The following MAPK4 variants were observed in gnomAD, a reference collection of about 807,000 sequenced individuals.
MAPK4 encodes mitogen-activated protein kinase 4.
A neutral mutation model predicts 47.7 loss-of-function variants in MAPK4; 22 were observed. The observed-to-expected ratio is 0.46, with a 90% confidence interval of 0.33 to 0.66. The LOEUF is 0.66. Ranked by LOEUF, MAPK4 falls within the 30% of genes least tolerant of loss-of-function variation. The pLI, the probability that MAPK4 is intolerant of heterozygous loss-of-function variation, is 0.02. For synonymous variants in MAPK4, 390 were observed against 365.7 expected (o/e 1.07, Z -0.76); for missense variants, 736 against 831.7 (o/e 0.88, Z 1.42).
intron 1 of MAPK4, among the ~76,000 whole-genome samples, chr18:50,603,126 G>A (rs1413938747): frequency 6.6e-6 from 1 of 152,140 alleles, no homozygotes; most frequent in Non-Finnish European, 1.5e-5. Context: ...CAAGAACCTG[G>A]CAAGCAGATG....
chr18:50,703,449 C>A (rs1909892388), intron 2 of MAPK4, among the ~76,000 whole-genome samples: 1 of 152,192 alleles, frequency 6.6e-6, no homozygotes, highest in Admixed American at 6.5e-5. Context: ...AGGCACCAGG[C>A]ACACCAAGAG....
At chr18:50,563,041 T>G (rs559755738) in intron 1 of MAPK4, among the ~76,000 whole-genome samples, 43 of 152,346 alleles carry the variant, frequency 2.8e-4, no homozygotes, top group African/African-American at 9.9e-4. Flanking sequence ...CTAAATTATT[T>G]CTGAGACCTC....
At chr18:50,611,572 T>C (rs769228611) in intron 1 of MAPK4, among the ~76,000 whole-genome samples, 12 of 152,212 alleles carry the variant, frequency 7.9e-5, no homozygotes, top group Non-Finnish European at 1.8e-4. Context: ...CAGGCCAGAA[T>C]GTAACCTTGC....
rs35984682 is a variant in MAPK4 at position 50,711,824 on chromosome 18, G to GTTT, written c.547-3241_547-3239dup. On this transcript the variant is annotated intron_variant, in intron 2 of 5. Transcript: ENST00000400384. ...TCTCGACTTCTGGGTATTCTTTAAA[G>GTTT]TTTTTTTTTTTTTTTTGTAGAAAAT... Among the ~76,000 whole-genome samples the GTTT allele has an allele frequency of 2.4e-3, 336 of 141,018 alleles. 1 individual carries two copies. The highest frequency in any genetic ancestry group is 8.3e-3 in the African/African-American group (315 of 38,112). The allele number at this position is 141,018 out of a possible 152,430, so 92.5% of individuals were successfully genotyped here.
At chr18:50,622,832 G>A (rs1405220335) in intron 1 of MAPK4, among the ~76,000 whole-genome samples, 2 of 152,246 alleles carry the variant, frequency 1.3e-5, no homozygotes, top group African/African-American at 4.8e-5. Flanking sequence ...AGACTTTACT[G>A]TAAGAGCATC....
intron 1 of MAPK4, among the ~76,000 whole-genome samples, chr18:50,589,614 TTAACTC>T (rs1029833537): frequency 4.7e-5 from 6 of 126,510 alleles, no homozygotes; most frequent in African/African-American, 1.4e-4. Context: ...AAAAAAAAAA[TTAACTC>T]TAAATGCATG....
rs565979455 is a variant in MAPK4, at chr18:50,678,033, A to T, written c.546+13529A>T. Among the ~76,000 whole-genome samples the T allele has an allele frequency of 1.3e-5, 2 of 152,214 alleles. No individual in the cohort carries two copies. The highest frequency in any genetic ancestry group is 2.9e-5 in the Non-Finnish European group (2 of 68,030). On this transcript the variant is annotated intron_variant, in intron 2 of 5. Transcript: ENST00000400384. This position sits in a 1 kb window ranked among gnomAD's most constrained non-coding sequence, Gnocchi z 4.2. Reference sequence around the variant, plus strand: ...TACTAACTAGTGCCATGTGAGCCTAAGCAAGTTACTTAACCTCCCTCAGGC... The same window carrying T: ...TACTAACTAGTGCCATGTGAGCCTATGCAAGTTACTTAACCTCCCTCAGGC...
intron 1 of MAPK4, among the ~76,000 whole-genome samples, chr18:50,648,697 A>G (rs937319062): frequency 3.3e-5 from 5 of 152,140 alleles, no homozygotes; most frequent in Admixed American, 3.3e-4. Context: ...CTAGGTATTT[A>G]GAGATGTCCA....
At chr18:50,643,167 G>T (rs972619148) in intron 1 of MAPK4, among the ~76,000 whole-genome samples, 15 of 152,156 alleles carry the variant, frequency 9.9e-5, no homozygotes, top group African/African-American at 3.1e-4. Flanking sequence ...CCTACAGATT[G>T]ATTCTCGAAG....
Position 50,589,595 on chromosome 18 carries a change from CA to C in MAPK4, c.-871+29370del, listed in dbSNP as rs35570696. On this transcript the variant is annotated intron_variant, in intron 1 of 5. Transcript: ENST00000400384. Reference sequence around the variant, plus strand: ...TGGGCGACAGAGCGAGACTCCGTCTCAAAAAAAAAAAAAAAAAATTAACTCT... The same window carrying C: ...TGGGCGACAGAGCGAGACTCCGTCTCAAAAAAAAAAAAAAAAATTAACTCT... Among the ~76,000 whole-genome samples, 716 of 116,440 alleles carry C rather than the reference CA, an allele frequency of 6.1e-3. 5 individuals carry two copies. The highest frequency in any genetic ancestry group is 0.02 in the African/African-American group (589 of 28,918). 76.4% of individuals were successfully genotyped at this position (116,440 alleles called of 152,430 possible). A position where few individuals can be genotyped will look rare whatever the true frequency, so the allele number is the denominator to read the frequency against.
chr18:50,705,054 G>A (rs573319097), intron 2 of MAPK4: 21 of 330,050 alleles, frequency 6.4e-5, no homozygotes, highest in African/African-American at 3.8e-4. Context: ...GCTTCCACAC[G>A]GTAGCATGAA....
chr18:50,724,312 G>C (rs1388707922), intron 4 of MAPK4, among the ~76,000 whole-genome samples: 1 of 152,184 alleles, frequency 6.6e-6, no homozygotes, highest in Non-Finnish European at 1.5e-5. Context: ...GCCTCCCAAA[G>C]TCCTGGGATT....
chr18:50,637,755 A>T (rs2042900350), intron 1 of MAPK4, among the ~76,000 whole-genome samples: 1 of 152,168 alleles, frequency 6.6e-6, no homozygotes, highest in South Asian at 2.1e-4. Context: ...GTTCCCCTGG[A>T]GGTCTCTCTC....
chr18:50,664,780 C>G lies in MAPK4; in HGVS notation c.546+276C>G, dbSNP rs76984028. ...ACGATCTCCAAAATTTCTTCCAGCT[C>G]TAAATTCTATGGCTTGAAAACTATG... On this transcript the variant is annotated intron_variant, in intron 2 of 5. Coordinates refer to ENST00000400384, the MANE Select transcript of MAPK4 (RefSeq NM_002747.4). The surrounding 1 kb of genome is among the most constrained non-coding windows in gnomAD (Gnocchi z 6.0). 6.6e-6 allele frequency among the ~76,000 whole-genome samples: 1 copy of G among 152,310 alleles called. No homozygotes were observed. The highest frequency in any genetic ancestry group is 1.9e-4 in the East Asian group (1 of 5,180).
intron 2 of MAPK4, among the ~76,000 whole-genome samples, chr18:50,668,037 T>C (rs1907702975): frequency 6.6e-6 from 1 of 152,224 alleles, no homozygotes; most frequent in Admixed American, 6.5e-5. Context: ...ATTAATTTGC[T>C]AGAGGAGCTC....
intron 3 of MAPK4, among the ~76,000 whole-genome samples, chr18:50,719,578 A>T (rs550066663): frequency 6.6e-6 from 1 of 152,176 alleles, no homozygotes; most frequent in South Asian, 2.1e-4. Flanking sequence ...ATGGCTCAAC[A>T]TCTCTGGCCC....
intron 2 of MAPK4, among the ~76,000 whole-genome samples, chr18:50,706,468 T>C (rs1910062070): frequency 6.6e-6 from 1 of 151,754 alleles, no homozygotes; most frequent in South Asian, 2.1e-4. Flanking sequence ...TTTTTTTTTT[T>C]TTTTAAGTTC....
intron 1 of MAPK4, among the ~76,000 whole-genome samples, chr18:50,565,530 A>C (rs1254622445): frequency 6.6e-6 from 1 of 152,226 alleles, no homozygotes; most frequent in East Asian, 1.9e-4. Context: ...CCTTGCATTA[A>C]AACAGGCCAG....
At chr18:50,590,305 A>G (rs143126410) in intron 1 of MAPK4, among the ~76,000 whole-genome samples, 8 of 152,240 alleles carry the variant, frequency 5.3e-5, no homozygotes, top group Non-Finnish European at 1.0e-4. Flanking sequence ...GTGTAAAAAC[A>G]TACTATTTCT....
Sources: gnomAD v4.1 joint callset for allele counts (sites outside exome capture counted in the v4.1 genomes callset) on GRCh38, gnomAD v4.1.1 for gene constraint, Gnocchi (gnomAD v3.1) non-coding constraint, MANE v1.5 for transcripts, NCBI Gene and HGNC (gene_info 2026-07-23, HGNC 2026-07-21) for gene names.